Variants in KARS1 observed in about 807,000 individuals in gnomAD.
The protein encoded by KARS1 is lysine--tRNA ligase.
KARS1 carries 50 observed loss-of-function variants against 63.9 expected under a neutral mutation model. The ratio of observed to expected loss-of-function variants is 0.78; its 90% CI spans 0.62 to 0.99. KARS1 has a LOEUF of 0.99. KARS1 is among the 50% of genes least tolerant of loss of function. The pLI, the probability that KARS1 is intolerant of heterozygous loss-of-function variation, is 0.00. For synonymous variants in KARS1, 320 were observed against 264.6 expected (o/e 1.21, Z -2.03); for missense variants, 816 against 754.5 (o/e 1.08, Z -0.95).
intron 1 of KARS1, chr16:75,644,470 G>T (rs753027341): frequency 1.3e-6 from 2 of 1,575,312 alleles, no homozygotes; most frequent in Non-Finnish European, 1.7e-6. Flanking sequence ...CACCTAGCGG[G>T]AAACACAGAG....
intron 1 of KARS1, among the ~76,000 whole-genome samples, chr16:75,642,126 T>C (rs927925411): frequency 6.7e-6 from 1 of 149,512 alleles, no homozygotes; most frequent in East Asian, 2.0e-4. Flanking sequence ...TTGAGGACAG[T>C]GACTGAATCT....
intron 7 of KARS1, among the ~76,000 whole-genome samples, chr16:75,633,493 T>C (rs1240787485): frequency 6.6e-6 from 1 of 151,886 alleles, no homozygotes; most frequent in African/African-American, 2.4e-5. Context: ...TGACAAGACA[T>C]CTTTATAGTG....
At chr16:75,643,440 C>T (rs1007732639) in intron 1 of KARS1, among the ~76,000 whole-genome samples, 3 of 148,794 alleles carry the variant, frequency 2.0e-5, no homozygotes, top group African/African-American at 5.0e-5. Context: ...TGCAGTGGTG[C>T]GATCTCAGAT....
At chr16:75,645,843 CAAAA>C (rs11363202) in intron 1 of KARS1, among the ~76,000 whole-genome samples, 16,369 of 81,962 alleles carry the variant, frequency 0.2, 2,106 homozygotes, top group East Asian at 0.7. Flanking sequence ...ACTCTGCCTC[CAAAA>C]AAAAAAAAAA....
chr16:75,636,244 G>T, intron 4 of KARS1, 146 bp from the exon 5 acceptor site: 1 of 709,044 alleles, frequency 1.4e-6, no homozygotes, highest in Non-Finnish European at 2.5e-6. Flanking sequence ...TATTAAAAAA[G>T]GACTATCCTT....
At chr16:75,637,716 T>C (rs1597171186) in intron 3 of KARS1, among the ~76,000 whole-genome samples, 1 of 146,392 alleles carries the variant, frequency 6.8e-6, no homozygotes, top group Non-Finnish European at 1.5e-5. Flanking sequence ...GAGGCGGAGG[T>C]TGCAGTGAGC....
intron 3 of KARS1, among the ~76,000 whole-genome samples, chr16:75,638,097 G>A (rs2082182847): frequency 6.6e-6 from 1 of 151,988 alleles, no homozygotes; most frequent in African/African-American, 2.4e-5. Flanking sequence ...AAAGCACTGG[G>A]CTCACATACC....
chr16:75,640,960 T>C (rs2082217896), intron 2 of KARS1, among the ~76,000 whole-genome samples: 1 of 152,094 alleles, frequency 6.6e-6, no homozygotes, highest in Admixed American at 6.5e-5. Flanking sequence ...CCTAGTACTC[T>C]GGGAGCCCGA....
intron 1 of KARS1, among the ~76,000 whole-genome samples, chr16:75,645,443 C>T (rs2082269901): frequency 6.6e-6 from 1 of 152,206 alleles, no homozygotes; most frequent in African/African-American, 2.4e-5. Context: ...TGGACAATAA[C>T]TCCTCTTGCA....
chr16:75,634,181 A>T lies in KARS1; in HGVS notation c.907T>A (p.Tyr303Asn). 6.2e-7 allele frequency: 1 copy of T among 1,613,944 alleles called. No homozygotes were observed. The change falls in exon 7 of 14, where the codon TAT becomes AAT. Residue 303 changes from tyrosine to asparagine, a missense_variant. Physicochemically the swap from Tyr to Asn is moderately radical, Grantham distance 143 (BLOSUM62 -2). Transcript: ENST00000302445. Reference sequence around the variant, plus strand: ...GTACTATTACTGACTACCTTATGATAGAGTTCTGGAGCAATTCTCATATAT... The same window carrying T: ...GTACTATTACTGACTACCTTATGATTGAGTTCTGGAGCAATTCTCATATAT... ...NLYMRIAPEL[Y>N]HKMLVVGGID...
rs762407019 is a variant in KARS1, at chr16:75,646,830, A to G, written c.62+748T>C. ...ATTAAGCCCTCTCGTATGCCTCTGG[A>G]ATGGTACTATGTACCATCTTCCTAG... On this transcript the variant is annotated intron_variant, in intron 1 of 13. Transcript: ENST00000302445. Among the ~76,000 whole-genome samples the G allele has an allele frequency of 3.6e-4, 54 of 151,960 alleles. 1 individual carries two copies. Among genetic ancestry groups the G allele is most frequent in the South Asian group, 8.3e-4 (4 of 4,804 alleles).
chr16:75,647,453 C>T (rs745710905), intron 1 of KARS1, 125 bp downstream of exon 1: 10 of 892,514 alleles, frequency 1.1e-5, no homozygotes, highest in Non-Finnish European at 1.6e-5. Flanking sequence ...CACGTCTCAG[C>T]ATGTGCGTAC....
chr16:75,636,131 C>G (rs2082159508), intron 4 of KARS1, 33 bp from the exon 5 acceptor site: 1 of 1,327,162 alleles, frequency 7.5e-7, no homozygotes, highest in East Asian at 2.4e-5. Context: ...TCAGTAACAA[C>G]AATTCAAATG....
intron 6 of KARS1, chr16:75,635,230 C>T (rs866417512): frequency 1.0e-4 from 28 of 267,310 alleles, no homozygotes; most frequent in African/African-American, 4.2e-4. Flanking sequence ...TATGTACATA[C>T]GTATATATGC....
At chr16:75,645,271 G>A (rs2082268438) in intron 1 of KARS1, among the ~76,000 whole-genome samples, 1 of 152,238 alleles carries the variant, frequency 6.6e-6, no homozygotes, top group African/African-American at 2.4e-5. Context: ...GACAACGTGA[G>A]TAGTGCTGTG....
At chr16:75,632,179 C>T (rs1407441509) in intron 7 of KARS1, among the ~76,000 whole-genome samples, 3 of 152,160 alleles carry the variant, frequency 2.0e-5, no homozygotes, top group African/African-American at 4.8e-5. Context: ...CATGAGCCAC[C>T]GCGCCCGGCC....
intron 1 of KARS1, among the ~76,000 whole-genome samples, chr16:75,645,943 G>A (rs1293324211): frequency 6.6e-6 from 1 of 150,834 alleles, no homozygotes; most frequent in African/African-American, 2.4e-5. Flanking sequence ...GCTTTCACCT[G>A]TGATATACAG....
At chr16:75,632,450 G>A (rs917824622) in intron 7 of KARS1, among the ~76,000 whole-genome samples, 1 of 152,222 alleles carries the variant, frequency 6.6e-6, no homozygotes, top group African/African-American at 2.4e-5. Context: ...TTAGGCTGCA[G>A]GCGTGTGACC....
At chr16:75,635,598 G>T in intron 6 of KARS1, 82 bp downstream of exon 6, 1 of 1,466,290 alleles carries the variant, frequency 6.8e-7, no homozygotes, top group Non-Finnish European at 9.5e-7. Flanking sequence ...CACAGGATAC[G>T]CTTTGGAAAA....
Sources: gnomAD v4.1 joint callset for allele counts (sites outside exome capture counted in the v4.1 genomes callset) on GRCh38, gnomAD v4.1.1 for gene constraint, MANE v1.5 for transcripts, NCBI Gene and HGNC (gene_info 2026-07-23, HGNC 2026-07-21) for gene names.